CAMK1D: variants seen among roughly 807,000 people sequenced by gnomAD.
CAMK1D encodes the protein calcium/calmodulin-dependent protein kinase type 1D.
CAMK1D carries 9 observed loss-of-function variants against 47.7 expected under a neutral mutation model. The ratio of observed to expected loss-of-function variants is 0.19; its 90% CI spans 0.11 to 0.33. The LOEUF (loss-of-function observed/expected upper bound fraction) is 0.33, where lower values mean the gene tolerates loss of function less well. Ranked by LOEUF, CAMK1D falls within the 10% of genes least tolerant of loss-of-function variation. The pLI is 1.00. For synonymous variants in CAMK1D, 184 were observed against 184.9 expected, an observed-to-expected ratio of 0.99 and a Z score of 0.04; for missense variants, 291 against 488.7, an observed-to-expected ratio of 0.60 and a Z score of 3.81.
At chr10:12,472,190 A>G (rs1833767282) in intron 1 of CAMK1D, among the ~76,000 whole-genome samples, 1 of 152,230 alleles carries the variant, frequency 6.6e-6, no homozygotes, top group Non-Finnish European at 1.5e-5. Flanking sequence ...AGGTGTGGGG[A>G]CACGCTGAGA....
intron 2 of CAMK1D, among the ~76,000 whole-genome samples, chr10:12,646,230 C>T (rs1198554082): frequency 2.6e-5 from 4 of 152,088 alleles, no homozygotes; most frequent in African/African-American, 9.7e-5. Flanking sequence ...AAAATGTTAG[C>T]CAGCATTTGA....
At chr10:12,478,591 A>G (rs575178516) in intron 1 of CAMK1D, among the ~76,000 whole-genome samples, 2 of 151,884 alleles carry the variant, frequency 1.3e-5, no homozygotes, top group Non-Finnish European at 2.9e-5. Context: ...GCCTGTCCTT[A>G]TTTTAACAGT....
chr10:12,566,761 G>T (rs1372263181), intron 2 of CAMK1D, among the ~76,000 whole-genome samples: 2 of 152,210 alleles, frequency 1.3e-5, no homozygotes, highest in Non-Finnish European at 2.9e-5. Context: ...TCATCTTGCA[G>T]AGGTCCTTGG....
intron 6 of CAMK1D, among the ~76,000 whole-genome samples, chr10:12,803,709 T>C (rs1160755937): frequency 2.0e-5 from 3 of 152,070 alleles, no homozygotes. Context: ...TGGCTTGAAG[T>C]AGCCTTTGTT....
intron 1 of CAMK1D, among the ~76,000 whole-genome samples, chr10:12,483,488 G>C (rs1237650801): frequency 6.6e-6 from 1 of 151,966 alleles, no homozygotes; most frequent in Non-Finnish European, 1.5e-5. Context: ...GCAGTCTCAT[G>C]TTTAATTTTT....
At chr10:12,671,629 A>G (rs982648435) in intron 3 of CAMK1D, among the ~76,000 whole-genome samples, 7 of 151,712 alleles carry the variant, frequency 4.6e-5, no homozygotes, top group Non-Finnish European at 8.8e-5. Flanking sequence ...ATGGAGATAT[A>G]TATATACACG....
chr10:12,828,040 A>T (rs1341996636), intron 10 of CAMK1D, among the ~76,000 whole-genome samples: 1 of 152,140 alleles, frequency 6.6e-6, no homozygotes, highest in African/African-American at 2.4e-5. Context: ...CACACCAACC[A>T]AGGGTAGGAA....
At position 12,500,625 on chromosome 10, in the gene CAMK1D, C is replaced by T. The variant is rs559108207; in HGVS notation, c.93-52600C>T. On this transcript the variant is annotated intron_variant, in intron 1 of 10. Coordinates refer to ENST00000619168, the MANE Select transcript of CAMK1D (RefSeq NM_153498.4). ...TTATGAAGCCTGACCCCACCCTTTG[C>T]CTTGTGACCTTGGACGAGTTGCTGA... 2.6e-5 allele frequency among the ~76,000 whole-genome samples: 4 copies of T among 152,322 alleles called. No individual in the cohort carries two copies. The East Asian group carries it at 5.8e-4, about 22-fold the overall frequency.
In CAMK1D at chr10:12,416,880, G is replaced by A. The variant is rs182835144; in HGVS notation, c.92+66970G>A. Among the ~76,000 whole-genome samples the A allele has an allele frequency of 2.0e-5, 3 of 152,312 alleles. No individual in the cohort carries two copies. The East Asian group carries it at 5.8e-4, about 29-fold the overall frequency. The stretch of plus-strand genomic sequence containing the variant: ...CAAAAATGAGCTTTGCCTTGGGTGT[G>A]TCTGATTGTGTTGTTGGTAGACTCC... On this transcript the variant is annotated intron_variant, in intron 1 of 10. Coordinates refer to ENST00000619168, the MANE Select transcript of CAMK1D (RefSeq NM_153498.4).
In CAMK1D at chr10:12,638,576, C is replaced by A. The variant is rs539935633; in HGVS notation, c.225-28160C>A. On this transcript the variant is annotated intron_variant, in intron 2 of 10. Transcript: ENST00000619168. ...CCTTCCCTTGGCCCCCGACCCTGGC[C>A]AGCCTCCCCCTTTGTGAGCTCCTGC... Among the ~76,000 whole-genome samples, 8 of 152,268 alleles carry A rather than the reference C, an allele frequency of 5.3e-5. No homozygotes were observed. In the East Asian group the frequency reaches 1.5e-3, roughly 29 times the overall value.
At chr10:12,545,704 G>C (rs921198441) in intron 1 of CAMK1D, among the ~76,000 whole-genome samples, 48 of 151,708 alleles carry the variant, frequency 3.2e-4, no homozygotes, top group African/African-American at 1.2e-3. Flanking sequence ...GGAGGCTGAG[G>C]CAGGGGAATC....
At chr10:12,503,355 T>G (rs1282887567) in intron 1 of CAMK1D, among the ~76,000 whole-genome samples, 1 of 152,180 alleles carries the variant, frequency 6.6e-6, no homozygotes, top group Non-Finnish European at 1.5e-5. Context: ...TGAGTGAACG[T>G]AAAACAACTC....
At chr10:12,470,926 G>A (rs1334482402) in intron 1 of CAMK1D, among the ~76,000 whole-genome samples, 4 of 152,170 alleles carry the variant, frequency 2.6e-5, no homozygotes, top group Non-Finnish European at 4.4e-5. Flanking sequence ...GTGTACGTGC[G>A]TGCGTGCGTG....
chr10:12,805,622 G>A (rs1369410394), intron 6 of CAMK1D, among the ~76,000 whole-genome samples: 3 of 152,004 alleles, frequency 2.0e-5, no homozygotes, highest in Non-Finnish European at 4.4e-5. Flanking sequence ...CACCCACCTC[G>A]GCCTCCCAAA....
chr10:12,768,435 T>A (rs1482944569), intron 4 of CAMK1D, among the ~76,000 whole-genome samples: 1 of 152,076 alleles, frequency 6.6e-6, no homozygotes, highest in Non-Finnish European at 1.5e-5. Flanking sequence ...GGAGAGAGAA[T>A]GTGGCTGTCC....
chr10:12,398,936 G>C (rs971645788), intron 1 of CAMK1D, among the ~76,000 whole-genome samples: 1 of 152,142 alleles, frequency 6.6e-6, no homozygotes, highest in Non-Finnish European at 1.5e-5. Flanking sequence ...AGATGGGATA[G>C]GAGTTTTTCA....
At chr10:12,521,127 G>C (rs1182856526) in intron 1 of CAMK1D, among the ~76,000 whole-genome samples, 6 of 152,020 alleles carry the variant, frequency 3.9e-5, no homozygotes, top group Non-Finnish European at 8.8e-5. Flanking sequence ...ATTGATTCCT[G>C]TTCTTATCCT....
At chr10:12,778,798 A>G (rs377716200) in intron 5 of CAMK1D, among the ~76,000 whole-genome samples, 3 of 152,240 alleles carry the variant, frequency 2.0e-5, no homozygotes, top group Admixed American at 6.5e-5. Context: ...ACCTGAGCCC[A>G]GGACTTTGAG....
At chr10:12,560,944 C>T (rs1184984117) in intron 2 of CAMK1D, among the ~76,000 whole-genome samples, 2 of 150,398 alleles carry the variant, frequency 1.3e-5, no homozygotes, top group African/African-American at 2.4e-5. Flanking sequence ...GATGGAGTCT[C>T]GCTCTGTCAC....
Sources: allele counts gnomAD v4.1 joint callset (sites outside exome capture counted in the v4.1 genomes callset), GRCh38; gene constraint gnomAD v4.1.1; transcripts MANE v1.5; gene names NCBI Gene and HGNC (gene_info 2026-07-23, HGNC 2026-07-21).